The following COG5 variants were observed in gnomAD, a reference collection of about 807,000 sequenced individuals.
COG5 encodes conserved oligomeric Golgi complex subunit 5.
In COG5, 86 loss-of-function variants were observed where a neutral mutation model predicts 110.4. The observed-to-expected ratio is 0.78, with a 90% CI of 0.65 to 0.93. COG5 has a LOEUF of 0.93. Among genes scored for constraint, COG5 ranks in the 40% least tolerant of loss-of-function variants. The probability of loss-of-function intolerance (pLI) is 0.00; values close to 1 mark genes in which losing one functional copy is unlikely to be tolerated. For synonymous variants in COG5, 360 were observed against 334.6 expected (o/e 1.08, Z -0.83); for missense variants, 1,077 against 987.0 (o/e 1.09, Z -1.22).
chr7:107,306,224 GC>G (rs1807705723), intron 11 of COG5, among the ~76,000 whole-genome samples: 1 of 151,970 alleles, frequency 6.6e-6, no homozygotes, highest in African/African-American at 2.4e-5. Flanking sequence ...GGAAAAAAAT[GC>G]CCAAATACAC....
chr7:107,488,342 T>C (rs1205426019), intron 6 of COG5, among the ~76,000 whole-genome samples: 1 of 151,942 alleles, frequency 6.6e-6, no homozygotes, highest in Non-Finnish European at 1.5e-5. Flanking sequence ...GGATACAATA[T>C]TTAGAAAAAG....
At chr7:107,332,425 G>A (rs1172836050) in intron 10 of COG5, among the ~76,000 whole-genome samples, 1 of 152,126 alleles carries the variant, frequency 6.6e-6, no homozygotes, top group Non-Finnish European at 1.5e-5. Context: ...AGGTACATAG[G>A]TATTCACTGT....
intron 6 of COG5, among the ~76,000 whole-genome samples, chr7:107,513,580 T>A (rs1270674589): frequency 6.6e-6 from 1 of 152,178 alleles, no homozygotes; most frequent in African/African-American, 2.4e-5. Flanking sequence ...ATCACACTGC[T>A]ATAAAGACAC....
chr7:107,489,050 T>C (rs761967660), intron 6 of COG5, among the ~76,000 whole-genome samples: 13 of 152,150 alleles, frequency 8.5e-5, no homozygotes, highest in African/African-American at 1.7e-4. Flanking sequence ...TCTATTTTCT[T>C]GTATCTGTAA....
chr7:107,512,255 GACAA>G (rs1049106933), intron 6 of COG5, among the ~76,000 whole-genome samples: 139 of 152,184 alleles, frequency 9.1e-4, no homozygotes, highest in African/African-American at 3.0e-3. Flanking sequence ...ACCAATAACA[GACAA>G]ACAGAGAGCC....
At chr7:107,468,369 G>A (rs1796427851) in intron 6 of COG5, among the ~76,000 whole-genome samples, 1 of 151,986 alleles carries the variant, frequency 6.6e-6, no homozygotes, top group South Asian at 2.1e-4. Context: ...TTCCACTGAT[G>A]CTATGCTTTC....
chr7:107,543,452 A>C (rs1223270993), intron 5 of COG5, among the ~76,000 whole-genome samples: 1 of 152,066 alleles, frequency 6.6e-6, no homozygotes, highest in Admixed American at 6.6e-5. Flanking sequence ...CAGTACTTCC[A>C]GACTACATCT....
At chr7:107,513,571 T>A (rs1287492316) in intron 6 of COG5, among the ~76,000 whole-genome samples, 4 of 152,220 alleles carry the variant, frequency 2.6e-5, no homozygotes, top group African/African-American at 7.2e-5. Context: ...GGATTATAAA[T>A]CACACTGCTA....
chr7:107,412,536 G>A lies in COG5; in HGVS notation c.635C>T (p.Ala212Val). ...CAAACCCTGCTCTAGTAGGCGCTTA[G>A]CTTGATTTTCCACTTCAAGTCGGGC... ...ARARLEVENQAKRLLEQGLET... is the reference protein window; with the variant it reads ...ARARLEVENQVKRLLEQGLET... The change falls in exon 7 of 22, where the codon GCT becomes GTT. Residue 212 changes from alanine (A) to valine (V), a missense_variant. Coordinates refer to ENST00000297135, the MANE Select transcript of COG5 (RefSeq NM_006348.5). The A allele has an allele frequency of 6.2e-7, 1 of 1,612,900 alleles. No individual in the cohort carries two copies. Among genetic ancestry groups the A allele is most frequent in the Admixed American group, 1.7e-5 (1 of 59,990 alleles).
chr7:107,382,909 T>C (rs1186838593), intron 7 of COG5, among the ~76,000 whole-genome samples: 1 of 152,214 alleles, frequency 6.6e-6, no homozygotes, highest in Admixed American at 6.5e-5. Context: ...TACTTATTCC[T>C]GTAAATCAAA....
intron 5 of COG5, among the ~76,000 whole-genome samples, chr7:107,543,842 C>T (rs1802229376): frequency 6.6e-6 from 1 of 152,194 alleles, no homozygotes; most frequent in Non-Finnish European, 1.5e-5. Flanking sequence ...GCTCCTCTGG[C>T]AGAGCCAGGG....
At chr7:107,251,133 C>CAAAAAA (rs564589238) in intron 16 of COG5, among the ~76,000 whole-genome samples, 2 of 54,854 alleles carry the variant, frequency 3.6e-5, no homozygotes, top group East Asian at 7.2e-4. Flanking sequence ...TGAAACTAGC[C>CAAAAAA]AAAAAAAAAA....
intron 15 of COG5, among the ~76,000 whole-genome samples, chr7:107,257,539 G>A (rs1802977183): frequency 6.6e-6 from 1 of 151,946 alleles, no homozygotes; most frequent in Admixed American, 6.6e-5. Context: ...AAGTTTTCAA[G>A]AACATCATTT....
chr7:107,269,469 C>T (rs59496629), intron 14 of COG5, among the ~76,000 whole-genome samples: 2,017 of 146,110 alleles, frequency 0.014, 54 homozygotes, highest in African/African-American at 0.048. Flanking sequence ...AGCAAGACTC[C>T]GTCTCAAAAA....
At chr7:107,531,403 TC>T (rs1427647182) in intron 5 of COG5, among the ~76,000 whole-genome samples, 1 of 152,192 alleles carries the variant, frequency 6.6e-6, no homozygotes, top group Non-Finnish European at 1.5e-5. Context: ...AATGTCAAAA[TC>T]CACTGAAACA....
chr7:107,385,628 T>G (rs1331903291), intron 7 of COG5, among the ~76,000 whole-genome samples: 2 of 152,180 alleles, frequency 1.3e-5, no homozygotes, highest in Non-Finnish European at 2.9e-5. Flanking sequence ...TAATGTATGA[T>G]TCCACTTAAC....
At chr7:107,552,528 G>T (rs1192629632) in intron 3 of COG5, among the ~76,000 whole-genome samples, 13 of 151,984 alleles carry the variant, frequency 8.6e-5, no homozygotes. Context: ...AAAAAAAAAT[G>T]CTCAACATCA....
intron 7 of COG5, among the ~76,000 whole-genome samples, chr7:107,399,145 T>C (rs1791238580): frequency 6.6e-6 from 1 of 151,862 alleles, no homozygotes; most frequent in South Asian, 2.1e-4. Flanking sequence ...GAGGTTGCAG[T>C]GAGTCGAGAT....
intron 16 of COG5, among the ~76,000 whole-genome samples, chr7:107,250,431 C>T (rs1033432102): frequency 1.3e-5 from 2 of 150,836 alleles, no homozygotes; most frequent in Non-Finnish European, 3.0e-5. Context: ...CACCAACATG[C>T]TTATAAAAAA....
Sources: allele counts gnomAD v4.1 joint callset (sites outside exome capture counted in the v4.1 genomes callset), GRCh38; gene constraint gnomAD v4.1.1; transcripts MANE v1.5; gene names NCBI Gene and HGNC (gene_info 2026-07-23, HGNC 2026-07-21).